Variants in TPRG1 observed in about 807,000 individuals in gnomAD.
The protein encoded by TPRG1 is tumor protein p63-regulated gene 1 protein.
In TPRG1, 29 loss-of-function variants were observed where a neutral mutation model predicts 29.3. The ratio of observed to expected loss-of-function variants is 0.99; its 90% CI spans 0.74 to 1.35. The LOEUF is 1.35. Ranked by LOEUF, TPRG1 falls within the 40% of genes most tolerant of loss-of-function variation. The pLI is 0.00. For missense variants in TPRG1, 327 were observed against 335.0 expected, an observed-to-expected ratio of 0.98 and a Z score of 0.19; for synonymous variants, 130 against 116.8, an observed-to-expected ratio of 1.11 and a Z score of -0.73.
At chr3:189,057,061 G>A (rs1432128101) in intron 4 of TPRG1, among the ~76,000 whole-genome samples, 1 of 152,134 alleles carries the variant, frequency 6.6e-6, no homozygotes, top group Non-Finnish European at 1.5e-5. Context: ...TTAATGGCTT[G>A]ACATCACATC....
intron 4 of TPRG1, among the ~76,000 whole-genome samples, chr3:189,059,364 G>A (rs1038318536): frequency 7.9e-5 from 12 of 152,108 alleles, no homozygotes; most frequent in Admixed American, 6.5e-5. Flanking sequence ...AGGCTGAGGC[G>A]GGTGGATCAG....
At chr3:189,142,517 A>G (rs534213947) in intron 3 of TPRG1, among the ~76,000 whole-genome samples, 1 of 152,054 alleles carries the variant, frequency 6.6e-6, no homozygotes, top group East Asian at 1.9e-4. Context: ...CCCAGCTCTG[A>G]TTTGTGATCT....
chr3:189,033,710 G>T (rs903964382), intron 4 of TPRG1, among the ~76,000 whole-genome samples: 2 of 151,832 alleles, frequency 1.3e-5, no homozygotes, highest in African/African-American at 4.8e-5. Context: ...CTTCCGAGTA[G>T]CTGGGACTAC....
chr3:189,266,760 G>A lies in TPRG1; in HGVS notation c.479+27851G>A, dbSNP rs1321928460. ...GTATTATTATTGACCATCAGAAGCT[G>A]GTTTTAGAGCAAAGCATAACTTATA... On this transcript the variant is annotated intron_variant, in intron 4 of 5. Coordinates refer to ENST00000345063, the MANE Select transcript of TPRG1 (RefSeq NM_198485.4). 2.6e-5 allele frequency among the ~76,000 whole-genome samples: 4 copies of A among 152,040 alleles called. No homozygotes were observed. In the East Asian group the frequency reaches 7.7e-4, roughly 29 times the overall value.
At chr3:189,273,321 G>A (rs1168789264) in intron 4 of TPRG1, among the ~76,000 whole-genome samples, 1 of 152,202 alleles carries the variant, frequency 6.6e-6, no homozygotes, top group Non-Finnish European at 1.5e-5. Flanking sequence ...GATGTGGCAA[G>A]TGCTGCTGGA....
At chr3:189,171,676 G>A (rs1417926696), upstream of TPRG1, among the ~76,000 whole-genome samples, 1 of 152,194 alleles carries the variant, frequency 6.6e-6, no homozygotes, top group African/African-American at 2.4e-5. Flanking sequence ...TTAATGATAG[G>A]AGTGTAGGCC....
At chr3:189,246,594 C>T (rs1489217628) in intron 4 of TPRG1, among the ~76,000 whole-genome samples, 3 of 152,168 alleles carry the variant, frequency 2.0e-5, no homozygotes, top group East Asian at 3.9e-4. Flanking sequence ...TTCTTCATTT[C>T]TTCCATAAGA....
intron 2 of TPRG1, 88 bp from the exon 3 acceptor site, chr3:189,215,204 G>T (rs894352505): frequency 3.7e-6 from 4 of 1,067,234 alleles, no homozygotes; most frequent in Non-Finnish European, 1.3e-6. Flanking sequence ...CCAGCTTTCC[G>T]GAGGAGCTGC....
At chr3:189,170,547 T>G (rs1728697653), upstream of TPRG1, among the ~76,000 whole-genome samples, 1 of 152,202 alleles carries the variant, frequency 6.6e-6, no homozygotes, top group African/African-American at 2.4e-5. Flanking sequence ...TTCTATATCG[T>G]GCAATGCTAA....
At chr3:189,228,691 T>C (rs577271367) in intron 3 of TPRG1, among the ~76,000 whole-genome samples, 86 of 152,234 alleles carry the variant, frequency 5.6e-4, no homozygotes, top group African/African-American at 1.9e-3. Context: ...CCCCTAAGAT[T>C]TGGAACAAGG....
At chr3:189,084,115 C>T (rs1245137721) in intron 4 of TPRG1, among the ~76,000 whole-genome samples, 1 of 151,596 alleles carries the variant, frequency 6.6e-6, no homozygotes, top group Non-Finnish European at 1.5e-5. Context: ...TGCACTGTTG[C>T]ACTCCAGCCT....
chr3:189,269,453 G>A (rs747001846), intron 4 of TPRG1, among the ~76,000 whole-genome samples: 5 of 152,094 alleles, frequency 3.3e-5, no homozygotes, highest in East Asian at 1.9e-4. Context: ...ACTTAGGTGC[G>A]CCAGTTTAAA....
chr3:189,172,371 A>G (rs759156312), intron 1 of TPRG1, among the ~76,000 whole-genome samples: 2 of 152,132 alleles, frequency 1.3e-5, no homozygotes, highest in Non-Finnish European at 2.9e-5. Flanking sequence ...ACTTATCTAT[A>G]TATTGATTTT....
chr3:189,125,549 G>T (rs905229613), intron 1 of TPRG1, among the ~76,000 whole-genome samples: 2 of 151,996 alleles, frequency 1.3e-5, no homozygotes, highest in East Asian at 3.8e-4. Flanking sequence ...TAGGAGATTG[G>T]CAAAGAAATA....
chr3:189,074,079 T>A (rs1160259007), intron 4 of TPRG1, among the ~76,000 whole-genome samples: 3 of 152,136 alleles, frequency 2.0e-5, no homozygotes, highest in Non-Finnish European at 4.4e-5. Flanking sequence ...GGCCTTTCTC[T>A]TTGTCCTTGA....
At chr3:189,163,574 C>A (rs1727760884) in intron 5 of TPRG1, among the ~76,000 whole-genome samples, 1 of 152,030 alleles carries the variant, frequency 6.6e-6, no homozygotes, top group Non-Finnish European at 1.5e-5. Flanking sequence ...AGGAGATAAA[C>A]CTGTTTCTTT....
intron 3 of TPRG1, among the ~76,000 whole-genome samples, chr3:189,019,869 T>C (rs2152124333): frequency 6.6e-6 from 1 of 150,864 alleles, no homozygotes; most frequent in South Asian, 2.1e-4. Flanking sequence ...TCCTGGACTC[T>C]TTTTGGTTGG....
intron 1 of TPRG1, among the ~76,000 whole-genome samples, chr3:189,119,978 A>G (rs914157755): frequency 2.6e-5 from 4 of 152,204 alleles, no homozygotes; most frequent in Non-Finnish European, 5.9e-5. Flanking sequence ...TGGCAGTGGC[A>G]TCTAGAGCAC....
intron 2 of TPRG1, among the ~76,000 whole-genome samples, chr3:189,212,931 G>A (rs1172353133): frequency 6.6e-6 from 1 of 152,184 alleles, no homozygotes; most frequent in African/African-American, 2.4e-5. Context: ...CCCCCAGTAG[G>A]TTTGCTTTGA....
Sources: gnomAD v4.1 joint callset for allele counts (sites outside exome capture counted in the v4.1 genomes callset) on GRCh38, gnomAD v4.1.1 for gene constraint, MANE v1.5 for transcripts, NCBI Gene and HGNC (gene_info 2026-07-23, HGNC 2026-07-21) for gene names.